Variants in USP34 observed in about 807,000 individuals in gnomAD.
The protein encoded by USP34 is ubiquitin specific peptidase 34.
USP34 carries 70 observed loss-of-function variants against 460.3 expected under a neutral mutation model. That is an observed-to-expected ratio of 0.15 (90% CI 0.13 to 0.19). The LOEUF (loss-of-function observed/expected upper bound fraction) is 0.19. Among genes scored for constraint, USP34 ranks in the 10% least tolerant of loss-of-function variants. The probability of loss-of-function intolerance (pLI) is 1.00; values close to 1 mark genes in which losing one functional copy is unlikely to be tolerated. For synonymous variants in USP34, 1,647 were observed against 1,405.3 expected, an observed-to-expected ratio of 1.17 and a Z score of -3.85; for missense variants, 3,985 against 4,236.2, an observed-to-expected ratio of 0.94 and a Z score of 1.65.
chr2:61,211,442 T>A (rs1216821965), intron 69 of USP34, among the ~76,000 whole-genome samples: 2 of 152,156 alleles, frequency 1.3e-5, no homozygotes, highest in Admixed American at 6.5e-5. Flanking sequence ...AACAGACTCA[T>A]CCAAAGGTGC....
intron 43 of USP34, among the ~76,000 whole-genome samples, chr2:61,262,407 C>T (rs1246813754): frequency 1.3e-5 from 2 of 152,120 alleles, no homozygotes; most frequent in African/African-American, 2.4e-5. Flanking sequence ...CAATATTTAG[C>T]TCCCACTTAT....
At chr2:61,306,210 T>A (rs1393010829) in intron 27 of USP34, among the ~76,000 whole-genome samples, 3 of 152,142 alleles carry the variant, frequency 2.0e-5, no homozygotes, top group Non-Finnish European at 4.4e-5. Context: ...TGGTTTTAGG[T>A]CTTAAGTCTT....
chr2:61,298,572 A>AAAAAAAAAAAAAAAAAAAAC (rs1690115222), intron 29 of USP34, among the ~76,000 whole-genome samples: 1 of 130,154 alleles, frequency 7.7e-6, no homozygotes, highest in Non-Finnish European at 1.7e-5. Flanking sequence ...AAAAAAAAAA[A>AAAAAAAAAAAAAAAAAAAAC]TCTGCTGAAA....
chr2:61,274,338 T>C (rs766117024), intron 41 of USP34, among the ~76,000 whole-genome samples: 2 of 151,442 alleles, frequency 1.3e-5, no homozygotes, highest in African/African-American at 4.9e-5. Context: ...TGAGGTAAGC[T>C]GAGATCATGC....
intron 1 of USP34, among the ~76,000 whole-genome samples, chr2:61,422,250 C>T (rs1694384727): frequency 6.6e-6 from 1 of 152,168 alleles, no homozygotes; most frequent in South Asian, 2.1e-4. Flanking sequence ...TACGCCATGC[C>T]AGTTTTCCTT....
chr2:61,240,051 A>T (rs1197262766), intron 53 of USP34, among the ~76,000 whole-genome samples: 1 of 152,020 alleles, frequency 6.6e-6, no homozygotes, highest in Non-Finnish European at 1.5e-5. Context: ...ATATTACAAA[A>T]AAAAAATTTT....
chr2:61,431,115 T>C (rs562105880), intron 1 of USP34, among the ~76,000 whole-genome samples: 52 of 152,176 alleles, frequency 3.4e-4, no homozygotes, highest in African/African-American at 9.4e-4. Flanking sequence ...TAGGGAGAGA[T>C]TGGTTAATGA....
chr2:61,392,204 C>T (rs1231863159), intron 5 of USP34, among the ~76,000 whole-genome samples: 2 of 152,164 alleles, frequency 1.3e-5, no homozygotes, highest in South Asian at 4.1e-4. Context: ...TGGTGACATG[C>T]ACCTTTAGTC....
intron 76 of USP34, among the ~76,000 whole-genome samples, chr2:61,191,786 G>T (rs902555994): frequency 2.6e-5 from 4 of 152,164 alleles, no homozygotes; most frequent in African/African-American, 9.7e-5. Context: ...AAATCAGGAA[G>T]AATGAAAAAG....
chr2:61,251,145 AT>A (rs1421756433), intron 48 of USP34, among the ~76,000 whole-genome samples: 2 of 152,166 alleles, frequency 1.3e-5, no homozygotes, highest in African/African-American at 4.8e-5. Flanking sequence ...CTCAAAAAAA[AT>A]AAATAAATAA....
chr2:61,386,923 T>C (rs1045802648), intron 5 of USP34, among the ~76,000 whole-genome samples: 5 of 152,070 alleles, frequency 3.3e-5, no homozygotes, highest in Non-Finnish European at 7.3e-5. Context: ...TGATGAATAA[T>C]ATTTCTTCAA....
chr2:61,278,821 G>T (rs961349356), intron 39 of USP34, among the ~76,000 whole-genome samples: 3 of 151,464 alleles, frequency 2.0e-5, no homozygotes, highest in Non-Finnish European at 2.9e-5. Flanking sequence ...AGACACTGAA[G>T]TTTTTTTTAA....
intron 6 of USP34, among the ~76,000 whole-genome samples, chr2:61,380,633 T>C (rs1692941429): frequency 6.6e-6 from 1 of 152,226 alleles, no homozygotes; most frequent in Admixed American, 6.5e-5. Context: ...ATTTGCAATG[T>C]GACTTTGCTA....
intron 2 of USP34, among the ~76,000 whole-genome samples, chr2:61,412,903 A>AG (rs1553385727): frequency 1.3e-4 from 19 of 151,650 alleles, no homozygotes; most frequent in Admixed American, 9.2e-4. Flanking sequence ...AAAAAAAAAA[A>AG]AGAGAGAATA....
At chr2:61,370,811 C>T (rs543980100) in intron 8 of USP34, among the ~76,000 whole-genome samples, 1 of 152,120 alleles carries the variant, frequency 6.6e-6, no homozygotes, top group African/African-American at 2.4e-5. Flanking sequence ...GAAAAGGTAA[C>T]GATTAACACC....
At chr2:61,394,808 T>A in intron 5 of USP34, 45 bp downstream of exon 5, 1 of 1,418,702 alleles carries the variant, frequency 7.0e-7, no homozygotes, top group Non-Finnish European at 9.3e-7. Context: ...ACTGATATGC[T>A]AGACATTGCT....
At chr2:61,454,202 G>A (rs1695365852) in intron 1 of USP34, among the ~76,000 whole-genome samples, 1 of 152,070 alleles carries the variant, frequency 6.6e-6, no homozygotes. Flanking sequence ...TCAGCTACCT[G>A]CAACCTCCAC....
intron 48 of USP34, 54 bp downstream of exon 48, chr2:61,256,330 T>G (rs1195667295): frequency 6.8e-7 from 1 of 1,472,112 alleles, no homozygotes; most frequent in African/African-American, 1.4e-5. Context: ...TACCCTTAGT[T>G]TGTCTTTCAC....
At chr2:61,317,850 A>C (rs1690797811) in intron 22 of USP34, 83 bp from the exon 23 acceptor site, 2 of 966,596 alleles carry the variant, frequency 2.1e-6, no homozygotes, top group African/African-American at 3.3e-5. Context: ...ACTTTACTGA[A>C]AACACTGTAG....
Sources: gnomAD v4.1 joint callset for allele counts (sites outside exome capture counted in the v4.1 genomes callset) on GRCh38, gnomAD v4.1.1 for gene constraint, MANE v1.5 for transcripts, NCBI Gene and HGNC (gene_info 2026-07-23, HGNC 2026-07-21) for gene names.